Variants in CLSTN2 observed in about 807,000 individuals in gnomAD.
The protein encoded by CLSTN2 is calsyntenin-2.
In CLSTN2, 48 loss-of-function variants were observed where a neutral mutation model predicts 101.2. The observed-to-expected ratio is 0.47, with a 90% CI of 0.38 to 0.60. The LOEUF is 0.60. Among genes scored for constraint, CLSTN2 ranks in the 20% least tolerant of loss-of-function variants. The pLI is 0.00. For synonymous variants in CLSTN2, 481 were observed against 463.6 expected (o/e 1.04, Z -0.48); for missense variants, 1,160 against 1,238.2 (o/e 0.94, Z 0.95).
At chr3:140,002,502 ATGTGGGTTGTCTCT>A (rs2006863418) in intron 1 of CLSTN2, among the ~76,000 whole-genome samples, 1 of 152,090 alleles carries the variant, frequency 6.6e-6, no homozygotes, top group African/African-American at 2.4e-5. Context: ...TTCTGCCATT[ATGTGGGTTGTCTCT>A]TCATTTTGTT....
intron 2 of CLSTN2, among the ~76,000 whole-genome samples, chr3:140,266,593 G>C (rs1421184085): frequency 6.6e-6 from 1 of 152,142 alleles, no homozygotes; most frequent in Non-Finnish European, 1.5e-5. Flanking sequence ...GCTTTAAATA[G>C]GTTGTTCTGC....
rs1435088839 is a variant in CLSTN2 at position 140,240,186 on chromosome 3, A to C, written c.232+64113A>C. 2.1e-3 allele frequency among the ~76,000 whole-genome samples: 19 copies of C among 9,206 alleles called. No homozygotes were observed. The East Asian group carries it at 0.083, about 40-fold the overall frequency. 6.0% of individuals were successfully genotyped at this position (9,206 alleles called of 152,430 possible). A position where few individuals can be genotyped will look rare whatever the true frequency, so the allele number is the denominator to read the frequency against. On this transcript the variant is annotated intron_variant, in intron 2 of 16. Transcript: ENST00000458420. ...TCTCTCTCTCTCTCTATATATATAT[A>C]TATATATATATATACACACACACAC...
chr3:140,498,890 TG>T (rs1365046939), intron 8 of CLSTN2, among the ~76,000 whole-genome samples: 2 of 152,060 alleles, frequency 1.3e-5, no homozygotes, highest in East Asian at 3.9e-4. Context: ...AATCCAAGAT[TG>T]TACAAAGACA....
intron 8 of CLSTN2, among the ~76,000 whole-genome samples, chr3:140,514,151 T>TC: frequency 6.6e-6 from 1 of 152,086 alleles, no homozygotes; most frequent in Admixed American, 6.5e-5. Context: ...TTCTATATTT[T>TC]TTCAATAGGT....
intron 1 of CLSTN2, among the ~76,000 whole-genome samples, chr3:140,025,050 C>A (rs530708858): frequency 2.0e-5 from 3 of 152,226 alleles, no homozygotes; most frequent in Admixed American, 1.3e-4. Flanking sequence ...AAATTAAGCC[C>A]CATGGAGGGT....
chr3:140,287,831 A>C (rs2086909697), intron 2 of CLSTN2, among the ~76,000 whole-genome samples: 2 of 152,184 alleles, frequency 1.3e-5, no homozygotes, highest in Admixed American at 1.3e-4. Context: ...TCCGATCCCC[A>C]AATCATTGAG....
At chr3:140,462,195 A>AT (rs80116019) in intron 7 of CLSTN2, among the ~76,000 whole-genome samples, 11,772 of 152,194 alleles carry the variant, frequency 0.077, 627 homozygotes, top group Admixed American at 0.18. Context: ...AATATCTGTG[A>AT]TATTATTATG....
At chr3:140,052,224 T>C (rs377041940) in intron 1 of CLSTN2, among the ~76,000 whole-genome samples, 1 of 152,204 alleles carries the variant, frequency 6.6e-6, no homozygotes, top group Non-Finnish European at 1.5e-5. Flanking sequence ...AATGGCATGA[T>C]CTCAGCTCAC....
chr3:140,427,223 ATGTG>A (rs10601007), intron 5 of CLSTN2, among the ~76,000 whole-genome samples: 2,023 of 102,578 alleles, frequency 0.02, 43 homozygotes, highest in Non-Finnish European at 0.026. Context: ...ATATATATAT[ATGTG>A]TGTATATATA....
intron 1 of CLSTN2, among the ~76,000 whole-genome samples, chr3:140,000,158 G>T (rs1412946901): frequency 6.6e-6 from 1 of 152,074 alleles, no homozygotes; most frequent in Non-Finnish European, 1.5e-5. Flanking sequence ...GTAGATGAGG[G>T]AACTGAATCT....
chr3:140,153,161 C>A (rs547361896), intron 1 of CLSTN2, among the ~76,000 whole-genome samples: 2 of 152,312 alleles, frequency 1.3e-5, no homozygotes, highest in Admixed American at 1.3e-4. Context: ...TGGTACATGT[C>A]CCCTGCACAG....
intron 2 of CLSTN2, among the ~76,000 whole-genome samples, chr3:140,257,957 A>G (rs2086618027): frequency 2.0e-5 from 3 of 152,136 alleles, no homozygotes; most frequent in Admixed American, 2.0e-4. Flanking sequence ...GTCATTTTGC[A>G]TTTCTACTAA....
chr3:140,038,124 T>C (rs1262141932), intron 1 of CLSTN2, among the ~76,000 whole-genome samples: 6 of 152,208 alleles, frequency 3.9e-5, no homozygotes, highest in Non-Finnish European at 8.8e-5. Context: ...ATCACCACAC[T>C]GTCCTCCACA....
chr3:140,306,369 G>A (rs1181536594), intron 2 of CLSTN2, among the ~76,000 whole-genome samples: 2 of 151,746 alleles, frequency 1.3e-5, no homozygotes, highest in African/African-American at 2.4e-5. Flanking sequence ...CCTTCCCACA[G>A]CATCGTAATT....
At chr3:140,354,894 C>A (rs2087652136) in intron 2 of CLSTN2, among the ~76,000 whole-genome samples, 1 of 152,220 alleles carries the variant, frequency 6.6e-6, no homozygotes, top group Non-Finnish European at 1.5e-5. Context: ...GGTGCCCCTG[C>A]TCTTGCACCT....
chr3:140,085,389 C>A (rs1372883453), intron 1 of CLSTN2, among the ~76,000 whole-genome samples: 2 of 152,170 alleles, frequency 1.3e-5, no homozygotes, highest in Non-Finnish European at 2.9e-5. Context: ...ATTACATATA[C>A]GTAAGCAGGG....
At chr3:139,947,543 A>T (rs1339187676) in intron 1 of CLSTN2, among the ~76,000 whole-genome samples, 1 of 152,322 alleles carries the variant, frequency 6.6e-6, no homozygotes, top group East Asian at 1.9e-4. Flanking sequence ...TTTTTCTATG[A>T]TGCTTTTATT....
At chr3:140,400,710 C>T (rs1435721452) in intron 2 of CLSTN2, among the ~76,000 whole-genome samples, 1 of 151,834 alleles carries the variant, frequency 6.6e-6, no homozygotes, top group Non-Finnish European at 1.5e-5. Flanking sequence ...AAAAAAAAAA[C>T]TCAGGACAGA....
chr3:140,356,772 A>AAAAAT (rs1559847470), intron 2 of CLSTN2, among the ~76,000 whole-genome samples: 1 of 151,616 alleles, frequency 6.6e-6, no homozygotes, highest in Non-Finnish European at 1.5e-5. Context: ...AAAAAAAAAA[A>AAAAAT]AAAGAAAGAA....
Sources: gnomAD v4.1 joint callset for allele counts (sites outside exome capture counted in the v4.1 genomes callset) on GRCh38, gnomAD v4.1.1 for gene constraint, MANE v1.5 for transcripts, NCBI Gene and HGNC (gene_info 2026-07-23, HGNC 2026-07-21) for gene names.